C4orf51: variants seen among roughly 807,000 people sequenced by gnomAD.
C4orf51 encodes the protein chromosome 4 open reading frame 51, also known as uncharacterized protein C4orf51.
C4orf51 carries 25 observed loss-of-function variants against 25.2 expected under a neutral mutation model. The ratio of observed to expected loss-of-function variants is 0.99; its 90% CI spans 0.72 to 1.39. C4orf51 has a LOEUF of 1.39. Among genes scored for constraint, C4orf51 ranks in the 40% most tolerant of loss-of-function variants. The pLI, the probability that C4orf51 is intolerant of heterozygous loss-of-function variation, is 0.00. For synonymous variants in C4orf51, 100 were observed against 84.5 expected (o/e 1.18, Z -1.01); for missense variants, 252 against 239.6 (o/e 1.05, Z -0.34).
chr4:145,689,125 A>G (rs569725546), intron 1 of C4orf51, among the ~76,000 whole-genome samples: 1 of 152,342 alleles, frequency 6.6e-6, no homozygotes, highest in Admixed American at 6.5e-5. Flanking sequence ...AAATTAATTC[A>G]GATGAATTAA....
chr4:145,744,746 G>A (rs1038872492), intron 1 of C4orf51, among the ~76,000 whole-genome samples: 3 of 151,862 alleles, frequency 2.0e-5, no homozygotes, highest in Non-Finnish European at 2.9e-5. Context: ...CCAGCTACTC[G>A]GGAGGCTGAG....
intron 1 of C4orf51, among the ~76,000 whole-genome samples, chr4:145,764,097 G>T (rs1369433483): frequency 6.6e-6 from 1 of 152,140 alleles, no homozygotes; most frequent in Admixed American, 6.5e-5. Flanking sequence ...AAAACAAAAG[G>T]TTTTTTCCCC....
intron 2 of C4orf51, among the ~76,000 whole-genome samples, chr4:145,719,696 A>G (rs948462962): frequency 2.6e-5 from 4 of 152,166 alleles, no homozygotes; most frequent in African/African-American, 7.2e-5. Flanking sequence ...TTAAAAATGA[A>G]GTGAATTACT....
chr4:145,716,042 T>C lies in C4orf51; in HGVS notation c.308-10869T>C, dbSNP rs983723771. Reference sequence around the variant, plus strand: ...CTAATCTATAGCCACCTCCACCCTGTTACAGTTAAATTAGGTTAACACTAA... The same window carrying C: ...CTAATCTATAGCCACCTCCACCCTGCTACAGTTAAATTAGGTTAACACTAA... On this transcript the variant is annotated intron_variant, in intron 2 of 5. Transcript: ENST00000438731. Among the ~76,000 whole-genome samples, 8 of 152,314 alleles carry C rather than the reference T, an allele frequency of 5.3e-5. No homozygotes were observed. The East Asian group carries it at 1.3e-3, about 26-fold the overall frequency.
intron 1 of C4orf51, among the ~76,000 whole-genome samples, chr4:145,740,667 T>G (rs1025017977): frequency 6.6e-6 from 1 of 152,176 alleles, no homozygotes; most frequent in Non-Finnish European, 1.5e-5. Flanking sequence ...AGTACTCCCC[T>G]CAAAACCCTT....
At position 145,762,375 on chromosome 4, in the gene C4orf51, CAT is replaced by C. The variant is rs998442878; in HGVS notation, n.167-8612_167-8611del. Among the ~76,000 whole-genome samples the C allele has an allele frequency of 2.0e-5, 3 of 152,142 alleles. No individual in the cohort carries two copies. Among genetic ancestry groups the C allele is most frequent in the African/African-American group, 7.2e-5 (3 of 41,426 alleles). On this transcript the variant is annotated intron_variant and non_coding_transcript_variant, in intron 1 of 1. Transcript: ENST00000510096. The surrounding 1 kb of genome is among the most constrained non-coding windows in gnomAD (Gnocchi z 4.9). ...ACAACTGCTATCTGGAGCTCGAAGA[CAT>C]TATTAATACATGATTATGCCGGAGA...
intron 1 of C4orf51, among the ~76,000 whole-genome samples, chr4:145,744,830 G>A (rs1406150647): frequency 1.3e-5 from 2 of 149,510 alleles, no homozygotes; most frequent in African/African-American, 2.4e-5. Flanking sequence ...TCCAGCCTGG[G>A]CAACAGATTG....
chr4:145,761,572 T>C lies in C4orf51; in HGVS notation n.167-9416T>C. On this transcript the variant is annotated intron_variant and non_coding_transcript_variant, in intron 1 of 1. Coordinates refer to the C4orf51 transcript ENST00000510096. The surrounding 1 kb of genome is among the most constrained non-coding windows in gnomAD (Gnocchi z 6.8). ...GTGGCACTCCATGGCAGCGGGGCGGTTGGTGGAATAAATGCAGAATGGGCA... is the reference window on the plus strand; with the variant it reads ...GTGGCACTCCATGGCAGCGGGGCGGCTGGTGGAATAAATGCAGAATGGGCA... 7.9e-7 allele frequency: 1 copy of C among 1,273,434 alleles called. No individual in the cohort carries two copies. 78.9% of individuals were successfully genotyped at this position (1,273,434 alleles called of 1,614,324 possible). A position where few individuals can be genotyped will look rare whatever the true frequency, so the allele number is the denominator to read the frequency against.
chr4:145,735,179 T>C (rs1225001513), downstream of C4orf51, among the ~76,000 whole-genome samples: 1 of 152,138 alleles, frequency 6.6e-6, no homozygotes, highest in African/African-American at 2.4e-5. Flanking sequence ...AAGGGGACTG[T>C]TGGAGTGCTC....
chr4:145,695,553 C>A (rs927874672), intron 1 of C4orf51, among the ~76,000 whole-genome samples: 2 of 152,014 alleles, frequency 1.3e-5, no homozygotes, highest in Admixed American at 6.6e-5. Flanking sequence ...GTTGGTTTAT[C>A]CTCTTCTGTA....
At chr4:145,710,053 C>G (rs1731046613) in intron 2 of C4orf51, among the ~76,000 whole-genome samples, 2 of 152,158 alleles carry the variant, frequency 1.3e-5, no homozygotes, top group South Asian at 4.1e-4. Flanking sequence ...CATGCAACAC[C>G]AAAATATGTT....
chr4:145,763,484 C>T lies in C4orf51; in HGVS notation n.167-7504C>T, dbSNP rs759544176. 1.5e-4 allele frequency among the ~76,000 whole-genome samples: 23 copies of T among 152,320 alleles called. No individual in the cohort carries two copies. The highest frequency in any genetic ancestry group is 3.9e-4 in the East Asian group (2 of 5,178). On this transcript the variant is annotated intron_variant and non_coding_transcript_variant, in intron 1 of 1. Coordinates refer to the C4orf51 transcript ENST00000510096. The surrounding 1 kb of genome is among the most constrained non-coding windows in gnomAD (Gnocchi z 4.6). ...AGAACATAAACTATTACACAGGGGA[C>T]GGTTAGCACCGCACGGGAAGTGTCT...
chr4:145,774,313 G>C (rs1195929209), downstream of C4orf51, among the ~76,000 whole-genome samples: 1 of 152,192 alleles, frequency 6.6e-6, no homozygotes, highest in Non-Finnish European at 1.5e-5. Flanking sequence ...AGAGCAGTGA[G>C]GCACAAGGCA....
At chr4:145,710,952 T>C (rs139323524) in intron 2 of C4orf51, among the ~76,000 whole-genome samples, 1 of 152,134 alleles carries the variant, frequency 6.6e-6, no homozygotes, top group South Asian at 2.1e-4. Flanking sequence ...TTAGAAGTAA[T>C]TAGATTTTCC....
chr4:145,718,134 C>G (rs903364592), intron 2 of C4orf51, among the ~76,000 whole-genome samples: 1 of 152,174 alleles, frequency 6.6e-6, no homozygotes, highest in African/African-American at 2.4e-5. Context: ...TAGGGAGAGC[C>G]CAGCTGAACC....
chr4:145,743,309 G>A lies in C4orf51; in HGVS notation n.167+10690G>A, dbSNP rs562446301. 3.3e-5 allele frequency among the ~76,000 whole-genome samples: 5 copies of A among 152,260 alleles called. No homozygotes were observed. The East Asian group carries it at 9.6e-4, about 29-fold the overall frequency. ...GGCTCATGGTTCTAAAGGTGGGAAA[G>A]TCTAAGATCAAGGGGCCAGCATCTT... On this transcript the variant is annotated intron_variant and non_coding_transcript_variant, in intron 1 of 1. Coordinates refer to the C4orf51 transcript ENST00000508981.
At chr4:145,786,897 T>A in the C4orf51 span, among the ~76,000 whole-genome samples, 1 of 152,246 alleles carries the variant, frequency 6.6e-6, no homozygotes, top group Non-Finnish European at 1.5e-5. Flanking sequence ...GGATCTACCT[T>A]GCAGTGTCAC....
intron 2 of C4orf51, among the ~76,000 whole-genome samples, chr4:145,726,005 A>C (rs1732034174): frequency 6.6e-6 from 1 of 152,214 alleles, no homozygotes; most frequent in African/African-American, 2.4e-5. Context: ...AAAGCCTTGG[A>C]ATTTCAGCAG....
At chr4:145,772,289 T>G (rs1020962122), downstream of C4orf51, among the ~76,000 whole-genome samples, 1 of 152,256 alleles carries the variant, frequency 6.6e-6, no homozygotes, top group African/African-American at 2.4e-5. Flanking sequence ...ATAAGCTCCC[T>G]GTTCTTGGGA....
Sources: allele counts gnomAD v4.1 joint callset (sites outside exome capture counted in the v4.1 genomes callset), GRCh38; gene constraint gnomAD v4.1.1; non-coding constraint Gnocchi (gnomAD v3.1); transcripts MANE v1.5; gene names NCBI Gene and HGNC (gene_info 2026-07-23, HGNC 2026-07-21).